Variants in TEX11 observed in about 807,000 individuals in gnomAD.
The protein encoded by TEX11 is testis-expressed protein 11.
A neutral mutation model predicts 84.4 loss-of-function variants in TEX11; 7 were observed. The ratio of observed to expected loss-of-function variants is 0.08; its 90% CI spans 0.05 to 0.16. TEX11 has a LOEUF of 0.16. TEX11 is among the 10% of genes least tolerant of loss of function. The probability of loss-of-function intolerance (pLI) is 1.00; values close to 1 mark genes in which losing one functional copy is unlikely to be tolerated. For missense variants in TEX11, 551 were observed against 660.5 expected (o/e 0.83, Z 1.82); for synonymous variants, 264 against 222.8 (o/e 1.18, Z -1.64).
chrX:70,730,463 C>G (rs898999033), intron 11 of TEX11, among the ~76,000 whole-genome samples: 13 of 111,471 alleles, frequency 1.2e-4, no homozygotes, highest in Non-Finnish European at 2.3e-4. Flanking sequence ...GGAAGATCTA[C>G]CAAGCAAATG....
intron 9 of TEX11, among the ~76,000 whole-genome samples, chrX:70,748,971 G>T (rs924277658): frequency 5.6e-5 from 6 of 106,430 alleles, no homozygotes; most frequent in Admixed American, 1.0e-4. Context: ...GGCATTGGTA[G>T]CTTGATGGGG....
intron 15 of TEX11, 151 bp downstream of exon 15, chrX:70,678,653 A>C: frequency 2.1e-6 from 1 of 465,294 alleles, no homozygotes; most frequent in South Asian, 3.8e-5. Context: ...AATGCTCATT[A>C]ACACTCTATA....
In TEX11 at chrX:70,552,239, T is replaced by A; in HGVS notation, c.2407A>T (p.Met803Leu). 1 of 1,207,118 alleles carries A rather than the reference T, an allele frequency of 8.3e-7. No homozygotes were observed. Among genetic ancestry groups the A allele is most frequent in the Non-Finnish European group, 1.1e-6 (1 of 894,045 alleles). ...ACTGAGAGGTTAACCAAGTTGTGCA[T>A]ACATTTGCTGAAAATCAAAAAGAGA... ...PIDISQYSKC[M>L]HNLVNLSVPD... Residue 803 changes from methionine to leucine, a missense_variant, in exon 28 of 30, where the codon ATG becomes TTG. Coordinates refer to ENST00000374333, the MANE Select transcript of TEX11 (RefSeq NM_031276.3).
chrX:70,836,964 C>T (rs2091408923), intron 7 of TEX11, among the ~76,000 whole-genome samples: 1 of 111,389 alleles, frequency 9.0e-6, no homozygotes. Context: ...TTGCAGTGAG[C>T]TGAGATCATG....
At chrX:70,905,255 G>A (rs2091823385) in intron 2 of TEX11, among the ~76,000 whole-genome samples, 1 of 111,076 alleles carries the variant, frequency 9.0e-6, no homozygotes, top group Non-Finnish European at 1.9e-5. Flanking sequence ...CCCGGGAGGC[G>A]TGGAAGTTGC....
At chrX:70,635,531 G>C (rs2089561473) in intron 17 of TEX11, among the ~76,000 whole-genome samples, 1 of 112,133 alleles carries the variant, frequency 8.9e-6, no homozygotes, top group Non-Finnish European at 1.9e-5. Flanking sequence ...CAGTGCCATA[G>C]CAGTCCTAAC....
chrX:70,749,902 G>C (rs1193111700), intron 9 of TEX11, among the ~76,000 whole-genome samples: 1 of 110,344 alleles, frequency 9.1e-6, no homozygotes, highest in East Asian at 2.8e-4. Context: ...TTGTGTCTCT[G>C]CCTGGCTTTG....
chrX:70,702,431 A>G (rs2090333696), intron 13 of TEX11, among the ~76,000 whole-genome samples: 2 of 112,230 alleles, frequency 1.8e-5, no homozygotes, highest in South Asian at 7.4e-4. Context: ...ATGCTATTGC[A>G]TACTTAATAG....
intron 9 of TEX11, among the ~76,000 whole-genome samples, chrX:70,755,334 G>A (rs760709335): frequency 8.9e-6 from 1 of 112,140 alleles, no homozygotes; most frequent in Non-Finnish European, 1.9e-5. Flanking sequence ...AAATTCTGGA[G>A]CTGTGCAGAA....
intron 4 of TEX11, among the ~76,000 whole-genome samples, chrX:70,869,773 T>A (rs1301409508): frequency 2.7e-5 from 3 of 109,173 alleles, no homozygotes; most frequent in East Asian, 2.9e-4. Context: ...CCAGATCCTG[T>A]CTCAAAAAAA....
intron 13 of TEX11, among the ~76,000 whole-genome samples, chrX:70,714,079 A>G (rs900371103): frequency 1.8e-5 from 2 of 111,618 alleles, no homozygotes; most frequent in African/African-American, 3.3e-5. Context: ...CAGGTTGTTC[A>G]GTTTCTGTGT....
At chrX:70,582,056 A>T (rs1487167731) in intron 25 of TEX11, among the ~76,000 whole-genome samples, 1 of 111,985 alleles carries the variant, frequency 8.9e-6, no homozygotes, top group Non-Finnish European at 1.9e-5. Flanking sequence ...AAAAAATTAA[A>T]TATATTTATT....
chrX:70,765,069 G>T (rs1023592386), intron 9 of TEX11, among the ~76,000 whole-genome samples: 4 of 111,328 alleles, frequency 3.6e-5, no homozygotes, highest in Non-Finnish European at 5.7e-5. Context: ...AAAAATCCTC[G>T]ACAAAATATT....
At chrX:70,596,772 T>C (rs1473234223) in intron 24 of TEX11, among the ~76,000 whole-genome samples, 2 of 109,869 alleles carry the variant, frequency 1.8e-5, no homozygotes, top group Admixed American at 9.8e-5. Flanking sequence ...GAAGGAAGAT[T>C]TGAGTGGGAA....
chrX:70,624,339 A>C (rs779328828), intron 19 of TEX11, among the ~76,000 whole-genome samples: 1 of 111,793 alleles, frequency 8.9e-6, no homozygotes, highest in Non-Finnish European at 1.9e-5. Flanking sequence ...ATCAGTCTTT[A>C]TCTTTCTCTT....
At chrX:70,564,471 G>T (rs1176583429) in intron 25 of TEX11, among the ~76,000 whole-genome samples, 2 of 109,466 alleles carry the variant, frequency 1.8e-5, no homozygotes, top group African/African-American at 6.6e-5. Context: ...AGTTACATAT[G>T]TATACATGTG....
intron 8 of TEX11, among the ~76,000 whole-genome samples, chrX:70,818,781 A>G (rs1053905435): frequency 1.4e-4 from 16 of 111,088 alleles, no homozygotes; most frequent in Admixed American, 1.3e-3. Context: ...AATCTAGCAC[A>G]CCTGCACACA....
At chrX:70,840,402 T>C (rs1431715578) in intron 7 of TEX11, among the ~76,000 whole-genome samples, 1 of 111,193 alleles carries the variant, frequency 9.0e-6, no homozygotes, top group Non-Finnish European at 1.9e-5. Context: ...GAAGGAGAAA[T>C]AAAATACTTT....
intron 2 of TEX11, among the ~76,000 whole-genome samples, chrX:70,881,234 T>G (rs1279682258): frequency 9.4e-6 from 1 of 105,866 alleles, no homozygotes; most frequent in African/African-American, 3.5e-5. Context: ...GGCTGAGGCA[T>G]AAGAATTGCT....
Sources: gnomAD v4.1 joint callset for allele counts (sites outside exome capture counted in the v4.1 genomes callset) on GRCh38, gnomAD v4.1.1 for gene constraint, MANE v1.5 for transcripts, NCBI Gene and HGNC (gene_info 2026-07-23, HGNC 2026-07-21) for gene names.